The following SAMD12 variants were observed in gnomAD, a reference collection of about 807,000 sequenced individuals.
The protein encoded by SAMD12 is sterile alpha motif domain containing 12.
A neutral mutation model predicts 15.0 loss-of-function variants in SAMD12; 9 were observed. The observed-to-expected ratio is 0.60, with a 90% CI of 0.36 to 1.05. The LOEUF is 1.05. SAMD12 is among the 50% of genes least tolerant of loss of function. SAMD12 has a pLI of 0.01. For missense variants in SAMD12, 230 were observed against 234.2 expected, an observed-to-expected ratio of 0.98 and a Z score of 0.12; for synonymous variants, 86 against 90.1, an observed-to-expected ratio of 0.96 and a Z score of 0.25.
the SAMD12 span, among the ~76,000 whole-genome samples, chr8:118,143,455 A>G: frequency 6.6e-6 from 1 of 152,210 alleles, no homozygotes; most frequent in East Asian, 1.9e-4. Flanking sequence ...TAGTGTCAAA[A>G]GCTGAACTGA....
At chr8:118,239,947 T>C (rs1283907653) in intron 4 of SAMD12, 1 of 151,862 alleles carries the variant, frequency 6.6e-6, no homozygotes, top group East Asian at 1.9e-4. Context: ...TTTGGAAGAG[T>C]CAGGGATATC....
At chr8:118,449,798 C>CAAAAAAAAAAAA (rs35279962) in intron 2 of SAMD12, among the ~76,000 whole-genome samples, 2 of 72,464 alleles carry the variant, frequency 2.8e-5, no homozygotes, top group African/African-American at 5.8e-5. Context: ...GAGACTGTCT[C>CAAAAAAAAAAAA]AAAAAAAAAA....
intron 2 of SAMD12, among the ~76,000 whole-genome samples, chr8:118,539,760 A>T (rs1825939996): frequency 1.3e-5 from 2 of 152,054 alleles, no homozygotes; most frequent in South Asian, 4.1e-4. Context: ...AATAGTATAA[A>T]CTCAAGTGCC....
At chr8:118,520,245 T>C (rs1825352465) in intron 2 of SAMD12, among the ~76,000 whole-genome samples, 1 of 151,982 alleles carries the variant, frequency 6.6e-6, no homozygotes, top group South Asian at 2.1e-4. Context: ...CACATAAAAA[T>C]ATCTTTCCAT....
At chr8:118,266,338 G>T (rs188872517) in intron 4 of SAMD12, among the ~76,000 whole-genome samples, 145 of 152,206 alleles carry the variant, frequency 9.5e-4, no homozygotes, top group African/African-American at 3.3e-3. Flanking sequence ...AAAGACAAAA[G>T]ATAAATATTG....
chr8:118,450,952 A>G (rs4876841), intron 2 of SAMD12, among the ~76,000 whole-genome samples: 69,533 of 152,036 alleles, frequency 0.46, 17,962 homozygotes, highest in South Asian at 0.6. Flanking sequence ...AAGTATACTG[A>G]TGCCATTCCA....
chr8:118,568,168 C>T (rs1211315838), intron 2 of SAMD12, among the ~76,000 whole-genome samples: 2 of 152,164 alleles, frequency 1.3e-5, no homozygotes, highest in Admixed American at 6.6e-5. Flanking sequence ...TTTAATAGAA[C>T]TGACCATTTC....
chr8:118,292,875 G>A (rs559652247), intron 4 of SAMD12, among the ~76,000 whole-genome samples: 7,973 of 139,132 alleles, frequency 0.057, 696 homozygotes, highest in African/African-American at 0.2. Context: ...CACAGGAAGG[G>A]GAATATCACA....
intron 2 of SAMD12, among the ~76,000 whole-genome samples, chr8:118,568,738 GA>G (rs1263462103): frequency 1.3e-5 from 2 of 152,154 alleles, no homozygotes; most frequent in Non-Finnish European, 2.9e-5. Flanking sequence ...TATTATTGGA[GA>G]GGAGGAAAGC....
intron 1 of SAMD12, among the ~76,000 whole-genome samples, chr8:118,599,992 C>T (rs750222911): frequency 7.2e-5 from 11 of 152,100 alleles, no homozygotes; most frequent in Non-Finnish European, 7.4e-5. Flanking sequence ...GGCAACAGAT[C>T]GCCTCTTTTT....
intron 3 of SAMD12, among the ~76,000 whole-genome samples, chr8:118,423,904 T>C (rs531550160): frequency 3.3e-5 from 5 of 152,334 alleles, no homozygotes; most frequent in Non-Finnish European, 5.9e-5. Context: ...ATAAATATGT[T>C]TTAAGATATA....
At chr8:118,325,373 GGAGA>G (rs1816516650) in intron 4 of SAMD12, among the ~76,000 whole-genome samples, 1 of 152,122 alleles carries the variant, frequency 6.6e-6, no homozygotes, top group Admixed American at 6.5e-5. Flanking sequence ...AGAAACGAGG[GGAGA>G]GAGTGAGAAG....
chr8:118,216,667 C>A (rs1479360825), intron 4 of SAMD12, among the ~76,000 whole-genome samples: 1 of 152,096 alleles, frequency 6.6e-6, no homozygotes, highest in Non-Finnish European at 1.5e-5. Flanking sequence ...AGAAAAAATA[C>A]AACATTACAG....
At chr8:118,140,110 C>CA in the SAMD12 span, among the ~76,000 whole-genome samples, 52 of 152,218 alleles carry the variant, frequency 3.4e-4, no homozygotes, top group African/African-American at 1.2e-3. Context: ...CTTATTCTTT[C>CA]AAAAAACTTT....
At chr8:118,305,363 G>A (rs189549065) in intron 4 of SAMD12, among the ~76,000 whole-genome samples, 1 of 152,032 alleles carries the variant, frequency 6.6e-6, no homozygotes, top group Admixed American at 6.6e-5. Flanking sequence ...CCTAACCTAG[G>A]TACCTCATAT....
chr8:118,608,750 C>T (rs918273556), intron 1 of SAMD12, among the ~76,000 whole-genome samples: 2 of 152,124 alleles, frequency 1.3e-5, no homozygotes, highest in South Asian at 2.1e-4. Context: ...GTAATCTGCC[C>T]GCCTGGGCTT....
chr8:118,318,325 T>TATATATATATATATATATATATATAA (rs1816037230), intron 4 of SAMD12, among the ~76,000 whole-genome samples: 1 of 25,222 alleles, frequency 4.0e-5, no homozygotes, highest in Non-Finnish European at 1.5e-4. Context: ...TATATATATA[T>TATATATATATATATATATATATATAA]ATATATATAT....
intron 2 of SAMD12, among the ~76,000 whole-genome samples, chr8:118,449,439 T>G (rs894175957): frequency 6.6e-6 from 1 of 151,508 alleles, no homozygotes; most frequent in Non-Finnish European, 1.5e-5. Flanking sequence ...TCAGCTAAGA[T>G]TGAAAGAAAA....
chr8:118,232,578 C>T (rs1434615879), intron 4 of SAMD12, among the ~76,000 whole-genome samples: 1 of 152,122 alleles, frequency 6.6e-6, no homozygotes, highest in African/African-American at 2.4e-5. Flanking sequence ...TGAGAGTCTC[C>T]AGCTTTAGCA....
Sources: allele counts gnomAD v4.1 joint callset (sites outside exome capture counted in the v4.1 genomes callset), GRCh38; gene constraint gnomAD v4.1.1; transcripts MANE v1.5; gene names NCBI Gene and HGNC (gene_info 2026-07-23, HGNC 2026-07-21).